Variants in ATAD2B observed in about 807,000 individuals in gnomAD.
The protein encoded by ATAD2B is ATPase family AAA domain-containing protein 2B.
ATAD2B carries 40 observed loss-of-function variants against 167.6 expected under a neutral mutation model. The ratio of observed to expected loss-of-function variants is 0.24; its 90% confidence interval spans 0.19 to 0.31. The LOEUF is 0.31. Among genes scored for constraint, ATAD2B ranks in the 10% least tolerant of loss-of-function variants. The probability of loss-of-function intolerance (pLI) is 1.00; values close to 1 mark genes in which losing one functional copy is unlikely to be tolerated. For missense variants in ATAD2B, 1,242 were observed against 1,757.2 expected, an observed-to-expected ratio of 0.71 and a Z score of 5.24; for synonymous variants, 579 against 596.5, an observed-to-expected ratio of 0.97 and a Z score of 0.43.
downstream of ATAD2B, among the ~76,000 whole-genome samples, chr2:23,747,483 A>C (rs762084182): frequency 2.7e-4 from 41 of 152,088 alleles, no homozygotes; most frequent in Non-Finnish European, 5.2e-4. Flanking sequence ...GTGGGGATCG[A>C]CTCTAGAAAA....
At chr2:23,816,039 A>C (rs188346605) in intron 17 of ATAD2B, among the ~76,000 whole-genome samples, 1 of 152,252 alleles carries the variant, frequency 6.6e-6, no homozygotes, top group African/African-American at 2.4e-5. Flanking sequence ...CACTTTTACA[A>C]AACATTTGAA....
chr2:23,725,534 C>G, the ATAD2B span, among the ~76,000 whole-genome samples: 2 of 152,044 alleles, frequency 1.3e-5, no homozygotes, highest in African/African-American at 4.8e-5. Context: ...TGGAAGATTT[C>G]CATATATTAC....
chr2:23,915,655 G>A (rs1174937195), intron 1 of ATAD2B, among the ~76,000 whole-genome samples: 2 of 137,918 alleles, frequency 1.5e-5, no homozygotes, highest in African/African-American at 2.7e-5. Context: ...ACAGTGGCGC[G>A]ATCTCAGCTC....
At chr2:23,878,429 C>T (rs933165399) in intron 7 of ATAD2B, among the ~76,000 whole-genome samples, 47 of 151,600 alleles carry the variant, frequency 3.1e-4, no homozygotes, top group Non-Finnish European at 4.9e-4. Flanking sequence ...GAGGCTGAGG[C>T]GGGCGGATCA....
the ATAD2B span, among the ~76,000 whole-genome samples, chr2:23,683,165 C>T: frequency 6.6e-6 from 1 of 152,212 alleles, no homozygotes; most frequent in Non-Finnish European, 1.5e-5. Context: ...GGCGGGCAGC[C>T]GGCCCTGGCC....
At chr2:23,785,502 G>A (rs1230444800) in intron 21 of ATAD2B, among the ~76,000 whole-genome samples, 1 of 152,094 alleles carries the variant, frequency 6.6e-6, no homozygotes, top group African/African-American at 2.4e-5. Context: ...TCCACTGGGA[G>A]CAGAGAAAAT....
chr2:23,693,172 T>A, the ATAD2B span: 3 of 1,373,590 alleles, frequency 2.2e-6, no homozygotes, highest in Non-Finnish European at 2.9e-6. Flanking sequence ...TCCCCCGGGA[T>A]GTGGGTTCAG....
At chr2:23,739,020 C>A in the ATAD2B span, among the ~76,000 whole-genome samples, 1 of 152,138 alleles carries the variant, frequency 6.6e-6, no homozygotes, top group Non-Finnish European at 1.5e-5. Flanking sequence ...TATATATGCA[C>A]CCAATACAGG....
rs968665183 is a variant in ATAD2B, at chr2:23,834,144, C to G, written c.1569-66G>C. The G allele has an allele frequency of 3.8e-5, 9 of 235,156 alleles. No homozygotes were observed. The East Asian group carries it at 9.7e-4, about 25-fold the overall frequency. The allele number at this position is 235,156 out of a possible 1,614,324, so 14.6% of individuals were successfully genotyped here. A position where few individuals can be genotyped will look rare whatever the true frequency, so the allele number is the denominator to read the frequency against. ...CACTGCTGCTTACAATAACGTTTAT[C>G]AGTCTTTCTTTTTTTTTTTTTTTTT... On this transcript the variant is annotated intron_variant, in intron 13 of 27. Coordinates refer to ENST00000238789, the MANE Select transcript of ATAD2B (RefSeq NM_017552.4).
At position 23,810,376 on chromosome 2, in the gene ATAD2B, T is replaced by C. The variant is rs377071147; in HGVS notation, c.2394A>G (p.Arg798=). The C allele has an allele frequency of 2.4e-5, 39 of 1,613,830 alleles. No homozygotes were observed. The highest frequency in any genetic ancestry group is 3.1e-5 in the Non-Finnish European group (36 of 1,179,872). Residue 798 remains arginine, a synonymous_variant, in exon 18 of 28, where the codon AGA becomes AGG. Transcript: ENST00000238789. The part of the protein sequence containing the change: ...LHTLERFSVH[R]LDLPALYSVS... ...CTGAATAAAGTGCTGGGAGATCTAGTCTATGCACAGAGAATCTTTCTAGAG... is the reference window on the plus strand; with the variant it reads ...CTGAATAAAGTGCTGGGAGATCTAGCCTATGCACAGAGAATCTTTCTAGAG...
rs543586030 is a variant in ATAD2B, at chr2:23,876,041, T to A, written c.902-137A>T. On this transcript the variant is annotated intron_variant, in intron 7 of 27. Coordinates refer to ENST00000238789, the MANE Select transcript of ATAD2B (RefSeq NM_017552.4). ...ACAGAGTCTTGCTCTAACGCCAGGC[T>A]GGAATGCAGTGGCGCGATCTCGGCT... 189 of 636,670 alleles carry A rather than the reference T, an allele frequency of 3.0e-4. 4 individuals carry two copies. The South Asian group carries it at 3.5e-3, about 12-fold the overall frequency. The allele number at this position is 636,670 out of a possible 1,614,324, so 39.4% of individuals were successfully genotyped here.
intron 16 of ATAD2B, among the ~76,000 whole-genome samples, chr2:23,821,338 GT>G (rs1687415555): frequency 6.6e-6 from 1 of 152,168 alleles, no homozygotes; most frequent in South Asian, 2.1e-4. Flanking sequence ...GGTGACGTAA[GT>G]TTTTTGGGAC....
chr2:23,902,656 A>C (rs1700976490), intron 1 of ATAD2B, among the ~76,000 whole-genome samples: 1 of 152,206 alleles, frequency 6.6e-6, no homozygotes, highest in Non-Finnish European at 1.5e-5. Context: ...AGTGATTATA[A>C]TCCATGAGTA....
chr2:23,762,264 C>A lies in ATAD2B; in HGVS notation c.3339G>T (p.Arg1113=). Residue 1113 remains arginine, a synonymous_variant, in exon 24 of 28, where the codon CGG becomes CGT. Transcript: ENST00000238789. ...CATCCATTGGATTTCTTTGTTTGTG[C>A]CGAAATGCCTCTTCGACTCTAGTTT... ...KTETRVEEAF[R]HKQRNPMDVW... is the part of the protein sequence containing the mutation. The A allele has an allele frequency of 6.2e-7, 1 of 1,613,432 alleles. No individual in the cohort carries two copies. The highest frequency in any genetic ancestry group is 8.5e-7 in the Non-Finnish European group (1 of 1,179,722).
In ATAD2B at chr2:23,823,684, C is replaced by T. The variant is rs141907817; in HGVS notation, c.1820-115G>A. ...GTCATAATCAATACTAAATCAATAA[C>T]TATGTGCAATTTTACCAGCAAAATG... On this transcript the variant is annotated intron_variant, in intron 15 of 27. Transcript: ENST00000238789. 1.8e-5 allele frequency: 17 copies of T among 920,944 alleles called. 1 individual carries two copies. The African/African-American group carries it at 2.1e-4, about 12-fold the overall frequency. 57.0% of individuals were successfully genotyped at this position (920,944 alleles called of 1,614,324 possible).
chr2:23,765,345 T>C (rs1677265646), intron 23 of ATAD2B, among the ~76,000 whole-genome samples, 161 bp downstream of exon 23: 1 of 152,184 alleles, frequency 6.6e-6, no homozygotes, highest in South Asian at 2.1e-4. Context: ...TTGTAAAATA[T>C]CTTTGAGAAT....
At chr2:23,808,923 C>T (rs1224942714) in intron 18 of ATAD2B, 5 of 152,072 alleles carry the variant, frequency 3.3e-5, no homozygotes, top group Non-Finnish European at 7.4e-5. Flanking sequence ...CCTCCTATTC[C>T]TATGCTGTTG....
the ATAD2B span, among the ~76,000 whole-genome samples, chr2:23,716,586 C>G: frequency 7.2e-5 from 11 of 152,190 alleles, no homozygotes; most frequent in African/African-American, 2.7e-4. Flanking sequence ...GTTTCTTGAT[C>G]CTTTCCATTG....
chr2:23,916,867 G>C (rs1703113053), intron 1 of ATAD2B, among the ~76,000 whole-genome samples: 1 of 152,158 alleles, frequency 6.6e-6, no homozygotes, highest in Admixed American at 6.6e-5. Flanking sequence ...GTAGATGAAA[G>C]GGCACTAGAC....
Sources: allele counts gnomAD v4.1 joint callset (sites outside exome capture counted in the v4.1 genomes callset), GRCh38; gene constraint gnomAD v4.1.1; transcripts MANE v1.5; gene names NCBI Gene and HGNC (gene_info 2026-07-23, HGNC 2026-07-21).